The following RERE variants were observed in gnomAD, a reference collection of about 807,000 sequenced individuals.
The protein encoded by RERE is arginine-glutamic acid dipeptide repeats protein.
RERE carries 40 observed loss-of-function variants against 146.1 expected under a neutral mutation model. That is an observed-to-expected ratio of 0.27 (90% CI 0.21 to 0.36). The LOEUF (loss-of-function observed/expected upper bound fraction) is 0.36. RERE is among the 10% of genes least tolerant of loss of function. RERE has a pLI of 1.00. For synonymous variants in RERE, 1,003 were observed against 866.0 expected, an observed-to-expected ratio of 1.16 and a Z score of -2.78; for missense variants, 1,933 against 2,138.7, an observed-to-expected ratio of 0.90 and a Z score of 1.90.
chr1:8,467,225 G>A (rs531547161), intron 10 of RERE, among the ~76,000 whole-genome samples: 2 of 152,240 alleles, frequency 1.3e-5, no homozygotes, highest in Non-Finnish European at 2.9e-5. Flanking sequence ...CAATGAGCCA[G>A]CATTTGCCGA....
chr1:8,485,960 C>T (rs1160840221), intron 10 of RERE, among the ~76,000 whole-genome samples: 13 of 151,994 alleles, frequency 8.6e-5, no homozygotes, highest in Admixed American at 5.2e-4. Flanking sequence ...CCACCACACC[C>T]GGCTAATTTT....
At chr1:8,549,633 CAG>C (rs1225640212) in intron 6 of RERE, among the ~76,000 whole-genome samples, 1 of 152,164 alleles carries the variant, frequency 6.6e-6, no homozygotes, top group Non-Finnish European at 1.5e-5. Flanking sequence ...AAATGATTTG[CAG>C]AGTGTCAAAG....
chr1:8,473,159 T>C (rs1300795253), intron 10 of RERE, among the ~76,000 whole-genome samples: 1 of 152,242 alleles, frequency 6.6e-6, no homozygotes, highest in Non-Finnish European at 1.5e-5. Context: ...TGTGATTTTT[T>C]CCTTCGTTTT....
At chr1:8,432,994 CACATAT>C (rs1401411002) in intron 11 of RERE, among the ~76,000 whole-genome samples, 3 of 152,118 alleles carry the variant, frequency 2.0e-5, no homozygotes, top group Non-Finnish European at 2.9e-5. Flanking sequence ...CATATATATA[CACATAT>C]ACATATACAT....
chr1:8,793,417 G>C (rs905546988), intron 1 of RERE, among the ~76,000 whole-genome samples: 1 of 152,052 alleles, frequency 6.6e-6, no homozygotes, highest in African/African-American at 2.4e-5. Flanking sequence ...AAGATGTCTT[G>C]GATTTCAAAG....
chr1:8,787,052 ACTT>A, intron 1 of RERE: 1 of 540,056 alleles, frequency 1.9e-6, no homozygotes, highest in South Asian at 2.2e-5. Context: ...GTGGCATTAT[ACTT>A]GGAATGAAAG....
At position 8,789,186 on chromosome 1, in the gene RERE, T is replaced by C. The variant is rs1451574902; in HGVS notation, c.-145+27974A>G. 2.0e-5 allele frequency among the ~76,000 whole-genome samples: 3 copies of C among 148,842 alleles called. No homozygotes were observed. The Admixed American group carries it at 2.0e-4, about 10-fold the overall frequency. On this transcript the variant is annotated intron_variant, in intron 1 of 22. Coordinates refer to ENST00000400908, the MANE Select transcript of RERE (RefSeq NM_001042681.2). ...TAGGCTGGGCACAGTGGCTCACACC[T>C]GTAATCCCAGCATTTGGGGAAGCCG...
intron 1 of RERE, among the ~76,000 whole-genome samples, chr1:8,656,816 T>C (rs1372999261): frequency 3.9e-5 from 6 of 152,176 alleles, no homozygotes; most frequent in Non-Finnish European, 7.4e-5. Flanking sequence ...GAATCTGTAG[T>C]AAAAATTATT....
chr1:8,355,665 C>A, intron 21 of RERE, 66 bp from the exon 22 acceptor site: 1 of 1,392,948 alleles, frequency 7.2e-7, no homozygotes, highest in Non-Finnish European at 9.7e-7. Flanking sequence ...CAGGGCGGCA[C>A]AGGCACAGCA....
chr1:8,695,858 T>C (rs191393477), intron 1 of RERE, among the ~76,000 whole-genome samples: 5 of 152,234 alleles, frequency 3.3e-5, no homozygotes, highest in Non-Finnish European at 5.9e-5. Context: ...ACCCAGAATC[T>C]ATAAGGAACT....
intron 6 of RERE, among the ~76,000 whole-genome samples, chr1:8,545,324 TG>T (rs1645845082): frequency 6.6e-6 from 1 of 152,090 alleles, no homozygotes; most frequent in African/African-American, 2.4e-5. Context: ...TCCTTCCGAG[TG>T]GGGCGGGCCC....
chr1:8,580,050 TA>T (rs1646345028), intron 4 of RERE, among the ~76,000 whole-genome samples: 1 of 152,116 alleles, frequency 6.6e-6, no homozygotes, highest in Non-Finnish European at 1.5e-5. Context: ...GCTTAAAACC[TA>T]ACCAAGTATC....
chr1:8,378,323 G>A (rs757197127), intron 12 of RERE, among the ~76,000 whole-genome samples: 6 of 152,190 alleles, frequency 3.9e-5, no homozygotes, highest in Non-Finnish European at 8.8e-5. Flanking sequence ...GTGTAAACGT[G>A]CAACCAGAGC....
intron 1 of RERE, among the ~76,000 whole-genome samples, chr1:8,736,277 G>C (rs569997244): frequency 6.6e-6 from 1 of 152,126 alleles, no homozygotes; most frequent in Non-Finnish European, 1.5e-5. Flanking sequence ...CACAATCTTG[G>C]CTCACTGCAA....
intron 5 of RERE, 90 bp downstream of exon 5, chr1:8,557,326 CAA>C (rs1021267566): frequency 1.1e-6 from 1 of 890,902 alleles, no homozygotes; most frequent in African/African-American, 1.7e-5. Context: ...ATCCATTTTT[CAA>C]AAAGTTATCT....
intron 2 of RERE, among the ~76,000 whole-genome samples, chr1:8,653,674 AACAGAGCG>A (rs1157530388): frequency 1.0e-4 from 15 of 149,694 alleles, no homozygotes; most frequent in Non-Finnish European, 1.8e-4. Flanking sequence ...CAGCCTAAGC[AACAGAGCG>A]AGACTCCACC....
chr1:8,376,832 A>G (rs1023814782), intron 12 of RERE, among the ~76,000 whole-genome samples: 2 of 152,256 alleles, frequency 1.3e-5, no homozygotes, highest in African/African-American at 4.8e-5. Context: ...TATTTAAATC[A>G]GTGGTTCTGA....
chr1:8,727,186 A>G (rs1316039649), intron 1 of RERE, among the ~76,000 whole-genome samples: 1 of 152,086 alleles, frequency 6.6e-6, no homozygotes, highest in Non-Finnish European at 1.5e-5. Context: ...TCTGTAGCCC[A>G]GGCTGGAGTG....
At chr1:8,773,416 G>A (rs993102820) in intron 1 of RERE, among the ~76,000 whole-genome samples, 5 of 152,198 alleles carry the variant, frequency 3.3e-5, no homozygotes, top group East Asian at 1.9e-4. Flanking sequence ...GTTGCTGGCC[G>A]GGTACGGTGG....
Sources: gnomAD v4.1 joint callset for allele counts (sites outside exome capture counted in the v4.1 genomes callset) on GRCh38, gnomAD v4.1.1 for gene constraint, MANE v1.5 for transcripts, NCBI Gene and HGNC (gene_info 2026-07-23, HGNC 2026-07-21) for gene names.